PDE7B: variants seen among roughly 807,000 people sequenced by gnomAD.
The protein encoded by PDE7B is phosphodiesterase 7B, also known as 3',5'-cyclic-AMP phosphodiesterase 7B.
PDE7B carries 29 observed loss-of-function variants against 56.2 expected under a neutral mutation model. The observed-to-expected ratio is 0.52, with a 90% confidence interval of 0.38 to 0.70. PDE7B has a LOEUF of 0.70. Among genes scored for constraint, PDE7B ranks in the 30% least tolerant of loss-of-function variants. PDE7B has a pLI of 0.00. For missense variants in PDE7B, 490 were observed against 565.0 expected, an observed-to-expected ratio of 0.87 and a Z score of 1.35; for synonymous variants, 197 against 196.9, an observed-to-expected ratio of 1.00 and a Z score of 0.00.
At chr6:136,110,256 T>C (rs1777719663) in intron 3 of PDE7B, among the ~76,000 whole-genome samples, 3 of 152,194 alleles carry the variant, frequency 2.0e-5, no homozygotes, top group South Asian at 4.1e-4. Context: ...GGATACAGCC[T>C]GCGGGAGCTC....
At chr6:136,052,582 G>T (rs966372327) in intron 2 of PDE7B, among the ~76,000 whole-genome samples, 1 of 151,788 alleles carries the variant, frequency 6.6e-6, no homozygotes, top group Non-Finnish European at 1.5e-5. Context: ...TCCACCCAGA[G>T]CTCAGTTCTT....
intron 1 of PDE7B, among the ~76,000 whole-genome samples, chr6:135,856,806 A>G (rs1775037792): frequency 6.6e-6 from 1 of 152,246 alleles, no homozygotes; most frequent in African/African-American, 2.4e-5. Flanking sequence ...ACTACTGTAT[A>G]AATATCCCAA....
intron 2 of PDE7B, among the ~76,000 whole-genome samples, chr6:136,106,548 T>C (rs929652843): frequency 2.0e-5 from 3 of 152,202 alleles, no homozygotes; most frequent in African/African-American, 4.8e-5. Flanking sequence ...AAATATTTAC[T>C]ATATCAGGAC....
intron 2 of PDE7B, among the ~76,000 whole-genome samples, chr6:136,016,021 C>T (rs1775971003): frequency 6.6e-6 from 1 of 152,040 alleles, no homozygotes; most frequent in South Asian, 2.1e-4. Flanking sequence ...AGAAAAACTT[C>T]TTTGATGATT....
intron 1 of PDE7B, among the ~76,000 whole-genome samples, chr6:135,899,586 A>G (rs1469076900): frequency 6.6e-6 from 1 of 151,784 alleles, no homozygotes; most frequent in Admixed American, 6.6e-5. Flanking sequence ...GTCTTTTTCC[A>G]TATTGCCTGT....
intron 2 of PDE7B, among the ~76,000 whole-genome samples, chr6:136,029,330 T>C (rs537711432): frequency 6.6e-6 from 1 of 152,308 alleles, no homozygotes; most frequent in Non-Finnish European, 1.5e-5. Context: ...TAAAAGGCAT[T>C]TATTAAAAGC....
At chr6:136,172,014 C>T (rs1778891790) in intron 8 of PDE7B, among the ~76,000 whole-genome samples, 1 of 152,010 alleles carries the variant, frequency 6.6e-6, no homozygotes, top group Non-Finnish European at 1.5e-5. Context: ...ATATGTGCCA[C>T]ATTTTCTTAA....
intron 12 of PDE7B, among the ~76,000 whole-genome samples, chr6:136,189,341 A>G (rs1779186924): frequency 1.3e-5 from 2 of 152,282 alleles, no homozygotes; most frequent in South Asian, 4.1e-4. Flanking sequence ...AGGCGGGCAA[A>G]TCCCTTGAGG....
intron 2 of PDE7B, among the ~76,000 whole-genome samples, chr6:136,002,029 G>A (rs1182055076): frequency 1.3e-5 from 2 of 152,198 alleles, no homozygotes; most frequent in Non-Finnish European, 2.9e-5. Context: ...AGCCAGAAGA[G>A]AGTGGGGGCC....
chr6:135,899,691 A>T (rs1270109832), intron 1 of PDE7B, among the ~76,000 whole-genome samples: 1 of 151,978 alleles, frequency 6.6e-6, no homozygotes, highest in Non-Finnish European at 1.5e-5. Flanking sequence ...AAAGAAGTAT[A>T]CAAATATAAT....
intron 1 of PDE7B, among the ~76,000 whole-genome samples, chr6:135,858,368 G>A (rs1254646721): frequency 1.3e-5 from 2 of 152,078 alleles, no homozygotes; most frequent in South Asian, 4.1e-4. Flanking sequence ...GGCCAGGCTC[G>A]TCTCAAACTC....
At chr6:136,044,110 C>A (rs893112779) in intron 2 of PDE7B, 1 of 152,166 alleles carries the variant, frequency 6.6e-6, no homozygotes, top group Admixed American at 6.5e-5. Context: ...ACTTAATATC[C>A]CGCTCGTATG....
intron 8 of PDE7B, among the ~76,000 whole-genome samples, chr6:136,170,114 G>A (rs190815873): frequency 1.3e-5 from 2 of 152,142 alleles, no homozygotes; most frequent in Non-Finnish European, 2.9e-5. Context: ...AGCATTGATT[G>A]TGTCACTAAC....
intron 3 of PDE7B, chr6:136,110,885 G>A (rs1777736562): frequency 6.6e-6 from 1 of 152,026 alleles, no homozygotes; most frequent in Non-Finnish European, 1.5e-5. Context: ...TCTTCCCTTT[G>A]CTGGAGATCC....
intron 2 of PDE7B, among the ~76,000 whole-genome samples, chr6:136,097,182 T>C (rs949687610): frequency 6.6e-6 from 1 of 152,216 alleles, no homozygotes; most frequent in Non-Finnish European, 1.5e-5. Context: ...TTTTATTTGA[T>C]TTATAAATTT....
At chr6:136,117,678 A>G (rs1777862827) in intron 3 of PDE7B, among the ~76,000 whole-genome samples, 1 of 152,230 alleles carries the variant, frequency 6.6e-6, no homozygotes, top group African/African-American at 2.4e-5. Context: ...TAACAGCTCT[A>G]GTCTGAGAGG....
chr6:135,916,392 C>CTTTTTTTTTTT (rs566408380), intron 1 of PDE7B, among the ~76,000 whole-genome samples: 120 of 96,316 alleles, frequency 1.2e-3, no homozygotes, highest in East Asian at 2.7e-3. Flanking sequence ...TCTTTTCTTT[C>CTTTTTTTTTTT]TTTTTTTTTT....
At chr6:135,916,955 T>C (rs1439311556) in intron 1 of PDE7B, among the ~76,000 whole-genome samples, 1 of 152,136 alleles carries the variant, frequency 6.6e-6, no homozygotes, top group Non-Finnish European at 1.5e-5. Flanking sequence ...GGCAGTTGAA[T>C]TTATCAAAAA....
intron 1 of PDE7B, among the ~76,000 whole-genome samples, chr6:135,916,609 T>G (rs2128194707): frequency 6.6e-6 from 1 of 151,966 alleles, no homozygotes; most frequent in East Asian, 1.9e-4. Flanking sequence ...GCCAGGATGG[T>G]CTCGATCTCT....
Sources: allele counts gnomAD v4.1 joint callset (sites outside exome capture counted in the v4.1 genomes callset), GRCh38; gene constraint gnomAD v4.1.1; transcripts MANE v1.5; gene names NCBI Gene and HGNC (gene_info 2026-07-23, HGNC 2026-07-21).